KIAA1958: variants seen among roughly 807,000 people sequenced by gnomAD.
KIAA1958 encodes KIAA1958, also known as uncharacterized protein KIAA1958.
In KIAA1958, 14 loss-of-function variants were observed where a neutral mutation model predicts 47.2. The observed-to-expected ratio is 0.30, with a 90% confidence interval of 0.20 to 0.46. KIAA1958 has a LOEUF of 0.46. KIAA1958 is among the 20% of genes least tolerant of loss of function. The probability of loss-of-function intolerance (pLI) is 1.00; values close to 1 mark genes in which losing one functional copy is unlikely to be tolerated. For missense variants in KIAA1958, 803 were observed against 909.2 expected (o/e 0.88, Z 1.50); for synonymous variants, 354 against 353.3 (o/e 1.00, Z -0.02).
intron 1 of KIAA1958, among the ~76,000 whole-genome samples, chr9:112,528,673 C>T (rs1305464270): frequency 1.3e-5 from 2 of 152,144 alleles, no homozygotes; most frequent in Non-Finnish European, 2.9e-5. Flanking sequence ...GCACCCGTCA[C>T]CACGACTGGC....
At chr9:112,500,494 T>G (rs1162158922) in intron 1 of KIAA1958, among the ~76,000 whole-genome samples, 1 of 151,928 alleles carries the variant, frequency 6.6e-6, no homozygotes, top group Non-Finnish European at 1.5e-5. Flanking sequence ...GTCACTATGT[T>G]GCCCAGGCTG....
chr9:112,662,081 G>C lies in KIAA1958; in HGVS notation c.*2012G>C, dbSNP rs879613463. 6.6e-6 allele frequency: 1 copy of C among 152,172 alleles called. No homozygotes were observed. Among genetic ancestry groups the C allele is most frequent in the Admixed American group, 6.5e-5 (1 of 15,274 alleles). The allele number at this position is 152,172 out of a possible 1,614,324, so 9.4% of individuals were successfully genotyped here. A position where few individuals can be genotyped will look rare whatever the true frequency, so the allele number is the denominator to read the frequency against. On this transcript the variant is annotated 3_prime_UTR_variant, in exon 4 of 4. Coordinates refer to ENST00000337530, the MANE Select transcript of KIAA1958 (RefSeq NM_133465.4). ...TTTTCGGATTTTGACCTTTTCAAAG[G>C]TAGCAATAACTACTCCAGAGGTTGT... is the stretch of plus-strand genomic sequence containing the variant.
intron 1 of KIAA1958, among the ~76,000 whole-genome samples, chr9:112,565,637 A>G (rs1200577178): frequency 6.6e-6 from 1 of 152,204 alleles, no homozygotes; most frequent in Non-Finnish European, 1.5e-5. Context: ...CTTATTGTTG[A>G]TTTCAATTTG....
intron 1 of KIAA1958, among the ~76,000 whole-genome samples, chr9:112,562,451 G>A (rs1267355805): frequency 6.6e-6 from 1 of 152,162 alleles, no homozygotes. Flanking sequence ...GCTCACATGA[G>A]TTGTATCTCA....
At chr9:112,551,752 T>TAAC (rs1380071050) in intron 1 of KIAA1958, among the ~76,000 whole-genome samples, 4 of 152,220 alleles carry the variant, frequency 2.6e-5, no homozygotes, top group Non-Finnish European at 4.4e-5. Context: ...CTTAGAGAGT[T>TAAC]AATTCATTCT....
chr9:112,528,346 T>C (rs138037581), intron 1 of KIAA1958, among the ~76,000 whole-genome samples: 11 of 152,248 alleles, frequency 7.2e-5, no homozygotes, highest in African/African-American at 1.9e-4. Context: ...CTATTTGCCT[T>C]TCTTTGCTCA....
chr9:112,647,953 A>G (rs1254440918), intron 3 of KIAA1958, among the ~76,000 whole-genome samples: 2 of 152,250 alleles, frequency 1.3e-5, no homozygotes, highest in Non-Finnish European at 2.9e-5. Flanking sequence ...TGAGAAAAAA[A>G]TGACAAAATT....
At position 112,624,243 on chromosome 9, in the gene KIAA1958, A is replaced by G. The variant is rs961569646; in HGVS notation, c.1172-21407A>G. ...CAAATAGAATTCTATTATACAAGATATGTCTCTGTACATCTACCATACAAT... is the reference window on the plus strand; with the variant it reads ...CAAATAGAATTCTATTATACAAGATGTGTCTCTGTACATCTACCATACAAT... On this transcript the variant is annotated intron_variant, in intron 2 of 3. Coordinates refer to ENST00000337530, the MANE Select transcript of KIAA1958 (RefSeq NM_133465.4). Among the ~76,000 whole-genome samples, 4 of 152,220 alleles carry G rather than the reference A, an allele frequency of 2.6e-5. No homozygotes were observed. The South Asian group carries it at 8.3e-4, about 31-fold the overall frequency.
intron 1 of KIAA1958, among the ~76,000 whole-genome samples, chr9:112,497,912 T>G (rs1834071424): frequency 6.6e-6 from 1 of 152,156 alleles, no homozygotes; most frequent in South Asian, 2.1e-4. Flanking sequence ...TTTAAGTAGT[T>G]TTTTTGTTGT....
intron 2 of KIAA1958, among the ~76,000 whole-genome samples, chr9:112,588,078 C>G (rs886658323): frequency 6.6e-6 from 1 of 152,192 alleles, no homozygotes; most frequent in Non-Finnish European, 1.5e-5. Flanking sequence ...CCTATTCATT[C>G]CACTGTTCTC....
chr9:112,560,198 CT>C (rs745805478), intron 1 of KIAA1958, among the ~76,000 whole-genome samples: 1 of 108,662 alleles, frequency 9.2e-6, no homozygotes, highest in Non-Finnish European at 1.9e-5. Context: ...TTTTCTTTTT[CT>C]TTTTTTTTCT....
intron 3 of KIAA1958, among the ~76,000 whole-genome samples, chr9:112,654,174 T>G (rs1837110221): frequency 6.6e-6 from 1 of 152,190 alleles, no homozygotes; most frequent in Non-Finnish European, 1.5e-5. Context: ...CAGTTTGGAA[T>G]TTATCTCAAG....
At chr9:112,588,026 T>G (rs1305086103) in intron 2 of KIAA1958, among the ~76,000 whole-genome samples, 1 of 152,166 alleles carries the variant, frequency 6.6e-6, no homozygotes, top group African/African-American at 2.4e-5. Context: ...AATAAATATA[T>G]TTTCTCCACC....
chr9:112,595,623 A>AGCTGACATCATGCC (rs1013508571), intron 2 of KIAA1958, among the ~76,000 whole-genome samples: 8 of 149,066 alleles, frequency 5.4e-5, no homozygotes, highest in African/African-American at 1.7e-4. Flanking sequence ...GGTTGCAGTG[A>AGCTGACATCATGCC]GCTGACATCA....
At chr9:112,551,036 G>GTTT (rs201387967) in intron 1 of KIAA1958, among the ~76,000 whole-genome samples, 1 of 122,664 alleles carries the variant, frequency 8.2e-6, no homozygotes, top group Non-Finnish European at 1.8e-5. Flanking sequence ...CTGCATAGTT[G>GTTT]TTTTTTTTTT....
At chr9:112,634,294 T>G (rs913826912) in intron 2 of KIAA1958, among the ~76,000 whole-genome samples, 1 of 152,192 alleles carries the variant, frequency 6.6e-6, no homozygotes, top group Non-Finnish European at 1.5e-5. Flanking sequence ...AGTGGCGCAA[T>G]CTCGGCTCCC....
At chr9:112,629,879 T>C (rs1836678669) in intron 2 of KIAA1958, among the ~76,000 whole-genome samples, 1 of 152,250 alleles carries the variant, frequency 6.6e-6, no homozygotes, top group African/African-American at 2.4e-5. Flanking sequence ...CACAGTGTTT[T>C]GTCTGTATTT....
chr9:112,663,033 C>T lies in KIAA1958; in HGVS notation c.*2964C>T, dbSNP rs942598116. The T allele has an allele frequency of 4.2e-4, 64 of 152,174 alleles. No homozygotes were observed. Among genetic ancestry groups the T allele is most frequent in the African/African-American group, 1.5e-3 (61 of 41,446 alleles). The allele number at this position is 152,174 out of a possible 1,614,324, so 9.4% of individuals were successfully genotyped here. ...GGGGAGGTAAAGAGCGTTTTCTCCACTTACCTTTGGGTTTTTTATGCTCCC... is the reference window on the plus strand; with the variant it reads ...GGGGAGGTAAAGAGCGTTTTCTCCATTTACCTTTGGGTTTTTTATGCTCCC... On this transcript the variant is annotated 3_prime_UTR_variant, in exon 4 of 4. Coordinates refer to ENST00000337530, the MANE Select transcript of KIAA1958 (RefSeq NM_133465.4).
At chr9:112,547,417 A>G (rs866781559) in intron 1 of KIAA1958, among the ~76,000 whole-genome samples, 5 of 151,402 alleles carry the variant, frequency 3.3e-5, no homozygotes, top group African/African-American at 9.7e-5. Flanking sequence ...AGTCTCCCCA[A>G]CTAACTGAAC....
Sources: allele counts gnomAD v4.1 joint callset (sites outside exome capture counted in the v4.1 genomes callset), GRCh38; gene constraint gnomAD v4.1.1; transcripts MANE v1.5; gene names NCBI Gene and HGNC (gene_info 2026-07-23, HGNC 2026-07-21).